The following FOXO1 variants were observed in gnomAD, a reference collection of about 807,000 sequenced individuals.
The protein encoded by FOXO1 is forkhead box O1.
A neutral mutation model predicts 44.1 loss-of-function variants in FOXO1; 6 were observed. The observed-to-expected ratio is 0.14, with a 90% CI of 0.07 to 0.27. The LOEUF (loss-of-function observed/expected upper bound fraction) is 0.27, where lower values mean the gene tolerates loss of function less well. Among genes scored for constraint, FOXO1 ranks in the 10% least tolerant of loss-of-function variants. The probability of loss-of-function intolerance (pLI) is 1.00; values close to 1 mark genes in which losing one functional copy is unlikely to be tolerated. For missense variants in FOXO1, 737 were observed against 888.8 expected, an observed-to-expected ratio of 0.83 and a Z score of 2.17; for synonymous variants, 380 against 362.7, an observed-to-expected ratio of 1.05 and a Z score of -0.54.
At chr13:40,572,569 C>G (rs1299668148) in intron 1 of FOXO1, among the ~76,000 whole-genome samples, 1 of 152,168 alleles carries the variant, frequency 6.6e-6, no homozygotes, top group East Asian at 1.9e-4. Context: ...GTCTAGGAAG[C>G]CTAATGCAAC....
At chr13:40,567,982 T>G (rs61963700) in intron 1 of FOXO1, among the ~76,000 whole-genome samples, 2 of 151,986 alleles carry the variant, frequency 1.3e-5, no homozygotes, top group Non-Finnish European at 2.9e-5. Flanking sequence ...AAAAAAAATT[T>G]ACACAATGTG....
intron 1 of FOXO1, among the ~76,000 whole-genome samples, chr13:40,632,614 A>G (rs1466875117): frequency 6.6e-6 from 1 of 151,776 alleles, no homozygotes; most frequent in East Asian, 1.9e-4. Context: ...CTACAGCCTG[A>G]GCGACAGAGC....
chr13:40,638,298 CCAT>C (rs1282380470), intron 1 of FOXO1, among the ~76,000 whole-genome samples: 4 of 152,058 alleles, frequency 2.6e-5, no homozygotes, highest in South Asian at 2.1e-4. Flanking sequence ...TCTGGCATCA[CCAT>C]CATCACCATA....
chr13:40,603,773 C>G (rs912787026), intron 1 of FOXO1, among the ~76,000 whole-genome samples: 2 of 152,190 alleles, frequency 1.3e-5, no homozygotes, highest in Admixed American at 6.5e-5. Context: ...AGGGGTTCAA[C>G]TTAGTTTTTC....
chr13:40,616,873 G>C (rs1876440006), intron 1 of FOXO1, among the ~76,000 whole-genome samples: 1 of 152,098 alleles, frequency 6.6e-6, no homozygotes, highest in Non-Finnish European at 1.5e-5. Flanking sequence ...AAAGGAGCAA[G>C]GAACCAGGAA....
intron 1 of FOXO1, among the ~76,000 whole-genome samples, chr13:40,599,646 G>C (rs1377431192): frequency 6.6e-6 from 1 of 152,196 alleles, no homozygotes; most frequent in African/African-American, 2.4e-5. Context: ...GGTGGGTACG[G>C]AAAAGGGATG....
intron 1 of FOXO1, among the ~76,000 whole-genome samples, chr13:40,653,603 T>C (rs1877755632): frequency 6.6e-6 from 1 of 152,222 alleles, no homozygotes; most frequent in Non-Finnish European, 1.5e-5. Context: ...GGTTTCCCTC[T>C]TCCTCCTTTC....
At chr13:40,660,978 C>T (rs1878017292) in intron 1 of FOXO1, among the ~76,000 whole-genome samples, 1 of 149,062 alleles carries the variant, frequency 6.7e-6, no homozygotes, top group South Asian at 2.1e-4. Context: ...ACAACAACAA[C>T]AACAACAACA....
intron 1 of FOXO1, among the ~76,000 whole-genome samples, chr13:40,591,012 C>T (rs1248960145): frequency 6.6e-6 from 1 of 152,068 alleles, no homozygotes; most frequent in Non-Finnish European, 1.5e-5. Flanking sequence ...TTCTGGAAGG[C>T]CTCTCGGAGG....
intron 1 of FOXO1, among the ~76,000 whole-genome samples, chr13:40,577,574 G>A (rs954955867): frequency 7.2e-5 from 11 of 152,182 alleles, no homozygotes; most frequent in African/African-American, 2.7e-4. Flanking sequence ...GATACCTGCA[G>A]ACAGGAACAC....
chr13:40,583,122 G>A (rs1413596764), intron 1 of FOXO1, among the ~76,000 whole-genome samples: 3 of 152,176 alleles, frequency 2.0e-5, no homozygotes, highest in African/African-American at 7.2e-5. Context: ...CTTGTGTGAG[G>A]AGGTACATTA....
At chr13:40,639,956 T>C (rs1370159163) in intron 1 of FOXO1, among the ~76,000 whole-genome samples, 3 of 152,214 alleles carry the variant, frequency 2.0e-5, no homozygotes, top group East Asian at 3.8e-4. Flanking sequence ...GCTATCCTCA[T>C]TATACATGTG....
intron 1 of FOXO1, among the ~76,000 whole-genome samples, chr13:40,625,744 A>G (rs929094982): frequency 6.6e-6 from 1 of 152,150 alleles, no homozygotes; most frequent in African/African-American, 2.4e-5. Context: ...TAAGCACTCT[A>G]AAATATTTTA....
chr13:40,570,416 G>A (rs1291028236), intron 1 of FOXO1, among the ~76,000 whole-genome samples: 1 of 152,126 alleles, frequency 6.6e-6, no homozygotes, highest in Non-Finnish European at 1.5e-5. Context: ...AAGTAAATGG[G>A]ACTACGGTAT....
At chr13:40,597,860 T>A (rs1423790665) in intron 1 of FOXO1, among the ~76,000 whole-genome samples, 2 of 152,138 alleles carry the variant, frequency 1.3e-5, no homozygotes, top group African/African-American at 4.8e-5. Context: ...AATTTAATAA[T>A]GTGTGTGTCC....
intron 2 of FOXO1, 78 bp downstream of exon 2, chr13:40,559,431 T>C: frequency 7.5e-7 from 1 of 1,325,386 alleles, no homozygotes; most frequent in Non-Finnish European, 1.0e-6. Context: ...AAAGATGTGC[T>C]AACCATGGCA....
At chr13:40,642,859 G>A (rs1046959624) in intron 1 of FOXO1, among the ~76,000 whole-genome samples, 1 of 152,134 alleles carries the variant, frequency 6.6e-6, no homozygotes, top group African/African-American at 2.4e-5. Context: ...GTGAAGCCGA[G>A]ACTGTGCCAC....
At chr13:40,566,282 C>T (rs963576172) in intron 1 of FOXO1, among the ~76,000 whole-genome samples, 2 of 152,104 alleles carry the variant, frequency 1.3e-5, no homozygotes, top group Admixed American at 1.3e-4. Context: ...CCCCTGAGGA[C>T]ACATGCCCTC....
intron 1 of FOXO1, among the ~76,000 whole-genome samples, chr13:40,561,467 T>A (rs748182270): frequency 6.6e-6 from 1 of 152,022 alleles, no homozygotes; most frequent in Non-Finnish European, 1.5e-5. Context: ...ATCAAAGGAA[T>A]TGGTTTTAAT....
Sources: allele counts gnomAD v4.1 joint callset (sites outside exome capture counted in the v4.1 genomes callset), GRCh38; gene constraint gnomAD v4.1.1; transcripts MANE v1.5; gene names NCBI Gene and HGNC (gene_info 2026-07-23, HGNC 2026-07-21).